FRMPD4: variants seen among roughly 807,000 people sequenced by gnomAD.
The protein encoded by FRMPD4 is FERM and PDZ domain containing 4.
In FRMPD4, 22 loss-of-function variants were observed where a neutral mutation model predicts 94.1. The ratio of observed to expected loss-of-function variants is 0.23; its 90% confidence interval spans 0.17 to 0.33. The LOEUF (loss-of-function observed/expected upper bound fraction) is 0.33, where lower values mean the gene tolerates loss of function less well. Ranked by LOEUF, FRMPD4 falls within the 10% of genes least tolerant of loss-of-function variation. The probability of loss-of-function intolerance (pLI) is 1.00; values close to 1 mark genes in which losing one functional copy is unlikely to be tolerated. For missense variants in FRMPD4, 1,111 were observed against 1,339.9 expected (o/e 0.83, Z 2.67); for synonymous variants, 631 against 548.6 (o/e 1.15, Z -2.10).
intron 1 of FRMPD4, among the ~76,000 whole-genome samples, chrX:12,168,647 A>G (rs1462029432): frequency 1.4e-5 from 1 of 70,921 alleles, no homozygotes; most frequent in East Asian, 4.4e-4. Context: ...TTTTTTTGAG[A>G]CAGAGTCTCA....
At chrX:11,828,949 G>A (rs377110264) in intron 1 of FRMPD4, among the ~76,000 whole-genome samples, 1 of 112,026 alleles carries the variant, frequency 8.9e-6, no homozygotes, top group South Asian at 3.7e-4. Flanking sequence ...GAGCGAGCAG[G>A]CTCAAGCTCC....
At chrX:11,885,598 C>T (rs751161502) in intron 3 of FRMPD4, among the ~76,000 whole-genome samples, 20 of 111,490 alleles carry the variant, frequency 1.8e-4, no homozygotes, top group Admixed American at 1.5e-3. Context: ...ATTGTGTTAA[C>T]ATGCCCTGCT....
chrX:11,873,972 G>T (rs2053769055), intron 2 of FRMPD4, among the ~76,000 whole-genome samples: 1 of 110,862 alleles, frequency 9.0e-6, no homozygotes, highest in African/African-American at 3.3e-5. Flanking sequence ...CTTCATCCCA[G>T]TAGGCAGAGG....
chrX:12,616,801 A>G (rs963762741), intron 4 of FRMPD4, among the ~76,000 whole-genome samples: 5 of 112,121 alleles, frequency 4.5e-5, no homozygotes, highest in African/African-American at 1.3e-4. Flanking sequence ...CTGGAATGCC[A>G]TGTTTGGGCT....
intron 1 of FRMPD4, among the ~76,000 whole-genome samples, chrX:11,840,593 G>C (rs1473901435): frequency 9.1e-6 from 1 of 109,947 alleles, no homozygotes; most frequent in Non-Finnish European, 1.9e-5. Context: ...ATTTTGAATA[G>C]AAATGGCAAG....
At chrX:12,260,635 TC>T (rs1352593945) in intron 1 of FRMPD4, among the ~76,000 whole-genome samples, 1 of 112,082 alleles carries the variant, frequency 8.9e-6, no homozygotes, top group Non-Finnish European at 1.9e-5. Context: ...TGTGTGCAGT[TC>T]CCCGTTCACT....
intron 3 of FRMPD4, among the ~76,000 whole-genome samples, chrX:12,020,345 A>G (rs2054626154): frequency 8.9e-6 from 1 of 112,177 alleles, no homozygotes; most frequent in African/African-American, 3.2e-5. Flanking sequence ...AGTGAAGTTT[A>G]TTTCTTGTTC....
At chrX:12,365,902 T>A (rs1217885971) in intron 1 of FRMPD4, among the ~76,000 whole-genome samples, 1 of 113,118 alleles carries the variant, frequency 8.8e-6, no homozygotes, top group African/African-American at 3.2e-5. Flanking sequence ...TGTGTTCTTT[T>A]ATTTGTTCAT....
At chrX:12,028,027 A>G (rs746020766) in intron 3 of FRMPD4, among the ~76,000 whole-genome samples, 26 of 112,286 alleles carry the variant, frequency 2.3e-4, no homozygotes, top group Non-Finnish European at 4.3e-4. Flanking sequence ...CCACAGAATT[A>G]GTGGCTTAAA....
intron 3 of FRMPD4, among the ~76,000 whole-genome samples, chrX:11,974,574 T>G (rs2054357635): frequency 8.9e-6 from 1 of 112,045 alleles, no homozygotes; most frequent in Non-Finnish European, 1.9e-5. Flanking sequence ...AAAGCAATAA[T>G]CAGAAACCAG....
chrX:12,032,119 T>C (rs1337458277), intron 3 of FRMPD4, among the ~76,000 whole-genome samples: 1 of 112,058 alleles, frequency 8.9e-6, no homozygotes, highest in Non-Finnish European at 1.9e-5. Flanking sequence ...ATTCAAGTAG[T>C]GTGATCCAAC....
chrX:12,188,934 A>G (rs1029340377), intron 1 of FRMPD4, among the ~76,000 whole-genome samples: 3 of 112,060 alleles, frequency 2.7e-5, no homozygotes, highest in African/African-American at 9.7e-5. Context: ...AATAATTACA[A>G]TTAGAGCAGA....
intron 4 of FRMPD4, among the ~76,000 whole-genome samples, chrX:12,647,118 C>G (rs1252358496): frequency 9.8e-5 from 11 of 112,027 alleles, no homozygotes; most frequent in Non-Finnish European, 9.4e-5. Flanking sequence ...ACCTGCTTCT[C>G]TGTGACACCT....
intron 1 of FRMPD4, among the ~76,000 whole-genome samples, chrX:12,458,699 G>A (rs1227954871): frequency 9.0e-6 from 1 of 111,499 alleles, no homozygotes; most frequent in African/African-American, 3.3e-5. Flanking sequence ...GTGAAGGCAG[G>A]TCAGGGCCAG....
intron 1 of FRMPD4, among the ~76,000 whole-genome samples, chrX:12,331,969 TA>T (rs1277236359): frequency 2.0e-5 from 1 of 49,116 alleles, no homozygotes; most frequent in Non-Finnish European, 3.2e-5. Flanking sequence ...ATATATAAAT[TA>T]TATATATTTA....
chrX:12,318,356 T>C (rs2055157747), intron 1 of FRMPD4, among the ~76,000 whole-genome samples: 1 of 111,650 alleles, frequency 9.0e-6, no homozygotes, highest in Admixed American at 9.5e-5. Flanking sequence ...TGAGACACTG[T>C]CTCTACAAAA....
At position 12,668,663 on chromosome X, in the gene FRMPD4, G is replaced by T. The variant is rs140428386; in HGVS notation, c.423-6200G>T. 0.014 allele frequency among the ~76,000 whole-genome samples: 1,378 copies of T among 98,411 alleles called. 78 individuals carry two copies. In the East Asian group the frequency reaches 0.2, roughly 15 times the overall value. 85.5% of individuals were successfully genotyped at this position (98,411 alleles called of 115,157 possible). ...CTTGTCACCGAGGCTGGAGTGCAGT[G>T]GTGCAATCTTGGCTCACTGCAACCT... On this transcript the variant is annotated intron_variant, in intron 4 of 16. Coordinates refer to ENST00000675598, the MANE Select transcript of FRMPD4 (RefSeq NM_001368397.1).
intron 1 of FRMPD4, among the ~76,000 whole-genome samples, chrX:12,432,198 C>T (rs1246150015): frequency 8.9e-6 from 1 of 111,989 alleles, no homozygotes; most frequent in Non-Finnish European, 1.9e-5. Flanking sequence ...TCAGAGAGGC[C>T]TTCACTGACC....
In FRMPD4 at chrX:12,710,476, T is replaced by G. The variant is rs748746388; in HGVS notation, c.1548T>G (p.Val516=). 7.5e-6 allele frequency: 9 copies of G among 1,203,675 alleles called. No homozygotes were observed. The highest frequency in any genetic ancestry group is 1.0e-5 in the Non-Finnish European group (9 of 888,427). ...CLTAGYYRLL[V]DSRRSIFNMA... is the part of the protein sequence containing the mutation. ...CGGCTGGATACTACCGGCTGCTTGT[T>G]GATTCCAGGAGGTCGATATTTAACA... Residue 516 remains valine (V), a synonymous_variant, in exon 14 of 17, where the codon GTT becomes GTG. Transcript: ENST00000675598.
Sources: gnomAD v4.1 joint callset for allele counts (sites outside exome capture counted in the v4.1 genomes callset) on GRCh38, gnomAD v4.1.1 for gene constraint, MANE v1.5 for transcripts, NCBI Gene and HGNC (gene_info 2026-07-23, HGNC 2026-07-21) for gene names.